The following CCT6B variants were observed in gnomAD, a reference collection of about 807,000 sequenced individuals.
CCT6B encodes the protein chaperonin containing TCP1 subunit 6B.
CCT6B carries 49 observed loss-of-function variants against 61.5 expected under a neutral mutation model. The ratio of observed to expected loss-of-function variants is 0.80; its 90% CI spans 0.63 to 1.01. The LOEUF (loss-of-function observed/expected upper bound fraction) is 1.01, where lower values mean the gene tolerates loss of function less well. Among genes scored for constraint, CCT6B ranks in the 50% least tolerant of loss-of-function variants. The pLI, the probability that CCT6B is intolerant of heterozygous loss-of-function variation, is 0.00. For synonymous variants in CCT6B, 228 were observed against 214.5 expected, an observed-to-expected ratio of 1.06 and a Z score of -0.55; for missense variants, 666 against 634.7, an observed-to-expected ratio of 1.05 and a Z score of -0.53.
intron 10 of CCT6B, 67 bp from the exon 11 acceptor site, chr17:34,932,567 A>G: frequency 7.1e-7 from 1 of 1,409,044 alleles, no homozygotes; most frequent in Non-Finnish European, 9.6e-7. Context: ...GAGAGACAGA[A>G]AAGCAATTCA....
At chr17:34,951,790 AT>A (rs2090294675) in intron 5 of CCT6B, among the ~76,000 whole-genome samples, 159 bp downstream of exon 5, 1 of 152,206 alleles carries the variant, frequency 6.6e-6, no homozygotes. Context: ...GGGGAAAGAA[AT>A]TCTGTTCTGT....
intron 4 of CCT6B, 37 bp downstream of exon 4, chr17:34,954,389 C>A (rs777827778): frequency 2.0e-6 from 3 of 1,494,038 alleles, no homozygotes; most frequent in African/African-American, 2.8e-5. Context: ...ATGCATTAGG[C>A]TATATTTGTT....
At chr17:34,929,674 C>A (rs139121639) in intron 12 of CCT6B, among the ~76,000 whole-genome samples, 1 of 151,574 alleles carries the variant, frequency 6.6e-6, no homozygotes, top group Non-Finnish European at 1.5e-5. Flanking sequence ...CCACCATCCC[C>A]GGCTAATTTT....
chr17:34,945,404 GCTC>G (rs2090212572), intron 5 of CCT6B, among the ~76,000 whole-genome samples: 1 of 152,036 alleles, frequency 6.6e-6, no homozygotes, highest in Non-Finnish European at 1.5e-5. Context: ...CCCCAAATCT[GCTC>G]CTCCTAGTCT....
intron 10 of CCT6B, among the ~76,000 whole-genome samples, chr17:34,935,831 T>C (rs2090087001): frequency 1.3e-5 from 2 of 150,326 alleles, no homozygotes. Context: ...CACTCCAGCC[T>C]GGGCAACGAA....
chr17:34,943,418 T>C (rs1241828108), intron 5 of CCT6B: 1 of 152,298 alleles, frequency 6.6e-6, no homozygotes, highest in Non-Finnish European at 1.5e-5. Context: ...TTAACCTAAA[T>C]GTCCAACAAT....
At position 34,961,427 on chromosome 17, in the gene CCT6B, C is replaced by G. The variant is rs2090417330; in HGVS notation, c.-34G>C. ...CGTTCAGAGGGAGAAAAAAAAAAAGCCTTAGTCGCGATTCTGAGCAAAAAC... is the reference window on the plus strand; with the variant it reads ...CGTTCAGAGGGAGAAAAAAAAAAAGGCTTAGTCGCGATTCTGAGCAAAAAC... On this transcript the variant is annotated 5_prime_UTR_variant, in exon 1 of 14. Transcript: ENST00000314144. 8 of 1,563,534 alleles carry G rather than the reference C, an allele frequency of 5.1e-6. No homozygotes were observed. Among genetic ancestry groups the G allele is most frequent in the East Asian group, 2.2e-5 (1 of 44,496 alleles).
chr17:34,937,447 G>A (rs1187742048), intron 10 of CCT6B, among the ~76,000 whole-genome samples: 3 of 152,008 alleles, frequency 2.0e-5, no homozygotes, highest in Non-Finnish European at 4.4e-5. Context: ...TTTTATACAC[G>A]AGAAAAGGCA....
intron 5 of CCT6B, among the ~76,000 whole-genome samples, chr17:34,951,350 T>C (rs759068048): frequency 6.6e-6 from 1 of 152,318 alleles, no homozygotes; most frequent in Admixed American, 6.5e-5. Context: ...AAAATAATCC[T>C]AGGTGGGAGG....
At chr17:34,959,757 G>T in intron 1 of CCT6B, 107 bp from the exon 2 acceptor site, 1 of 708,220 alleles carries the variant, frequency 1.4e-6, no homozygotes, top group Non-Finnish European at 2.5e-6. Context: ...AACTTCCACT[G>T]TACCATGGGA....
chr17:34,951,467 T>C (rs968079996), intron 5 of CCT6B, among the ~76,000 whole-genome samples: 2 of 152,234 alleles, frequency 1.3e-5, no homozygotes, highest in Non-Finnish European at 1.5e-5. Flanking sequence ...CACAGTTTTC[T>C]ATAATACAAA....
At chr17:34,939,444 G>C in intron 9 of CCT6B, 114 bp from the exon 10 acceptor site, 1 of 934,726 alleles carries the variant, frequency 1.1e-6, no homozygotes. Context: ...ATAACTAAGG[G>C]AGTTAAGTTA....
chr17:34,933,482 A>G (rs1176731239), intron 10 of CCT6B, among the ~76,000 whole-genome samples: 1 of 152,188 alleles, frequency 6.6e-6, no homozygotes, highest in East Asian at 1.9e-4. Flanking sequence ...TCACTTCACA[A>G]CATAACCGCT....
At chr17:34,946,568 A>G (rs1468447371) in intron 5 of CCT6B, among the ~76,000 whole-genome samples, 1 of 151,794 alleles carries the variant, frequency 6.6e-6, no homozygotes. Flanking sequence ...TCAAGAAAAC[A>G]ACAGACATAA....
intron 12 of CCT6B, among the ~76,000 whole-genome samples, chr17:34,929,446 ATGAC>A (rs1431899962): frequency 6.7e-6 from 1 of 148,756 alleles, no homozygotes; most frequent in African/African-American, 2.5e-5. Context: ...TACACATCTG[ATGAC>A]TCTCAAGGTT....
chr17:34,939,688 C>A lies in CCT6B; in HGVS notation c.994G>T (p.Ala332Ser), dbSNP rs367965878. The stretch of plus-strand genomic sequence containing the variant: ...GTGAGATCTTCAAAAGAATTCACGG[C>A]CATTCCACCACAAGCAAGAGAGAGT... ...ERLSLACGGM[A>S]VNSFEDLTVD... The change falls in exon 9 of 14, where the codon GCC (alanine) becomes TCC (serine). Residue 332 changes from alanine (A) to serine (S), a missense_variant. Coordinates refer to ENST00000314144, the MANE Select transcript of CCT6B (RefSeq NM_006584.4). 6.2e-7 allele frequency: 1 copy of A among 1,612,888 alleles called. No homozygotes were observed. The highest frequency in any genetic ancestry group is 8.5e-7 in the Non-Finnish European group (1 of 1,178,970).
rs111426917 is a variant in CCT6B at position 34,953,359 on chromosome 17, T to A, written c.510+1067A>T. On this transcript the variant is annotated intron_variant, in intron 4 of 13. Transcript: ENST00000314144. ...TATATATATTTTTTTGAGACAAAGT[T>A]TCACTCTGTCACCCAGGCTAGAGTG... Among the ~76,000 whole-genome samples the A allele has an allele frequency of 8.3e-4, 124 of 149,018 alleles. 1 individual carries two copies. Among genetic ancestry groups the A allele is most frequent in the African/African-American group, 2.7e-3 (110 of 40,890 alleles).
intron 5 of CCT6B, among the ~76,000 whole-genome samples, chr17:34,947,226 G>A (rs2090234244): frequency 6.6e-6 from 1 of 151,708 alleles, no homozygotes; most frequent in Non-Finnish European, 1.5e-5. Context: ...GGAGAAGAAG[G>A]GATGAACAAA....
At chr17:34,951,876 A>C in intron 5 of CCT6B, 74 bp downstream of exon 5, 1 of 645,118 alleles carries the variant, frequency 1.6e-6, no homozygotes. Flanking sequence ...AATAAAAGTA[A>C]GTAATGAATT....
Sources: gnomAD v4.1 joint callset for allele counts (sites outside exome capture counted in the v4.1 genomes callset) on GRCh38, gnomAD v4.1.1 for gene constraint, MANE v1.5 for transcripts, NCBI Gene and HGNC (gene_info 2026-07-23, HGNC 2026-07-21) for gene names.